Variants in NRG2 observed in about 807,000 individuals in gnomAD.
NRG2 encodes neuregulin 2.
In NRG2, 27 loss-of-function variants were observed where a neutral mutation model predicts 73.9. That is an observed-to-expected ratio of 0.37 (90% CI 0.27 to 0.50). NRG2 has a LOEUF of 0.50. Ranked by LOEUF, NRG2 falls within the 20% of genes least tolerant of loss-of-function variation. The probability of loss-of-function intolerance (pLI) is 0.96; values close to 1 mark genes in which losing one functional copy is unlikely to be tolerated. For missense variants in NRG2, 1,126 were observed against 1,210.1 expected, an observed-to-expected ratio of 0.93 and a Z score of 1.03; for synonymous variants, 532 against 541.0, an observed-to-expected ratio of 0.98 and a Z score of 0.23.
chr5:139,851,188 A>G lies in NRG2; in HGVS notation c.1772+416T>C, dbSNP rs1161338111. ...TTTTAGTAAAGATGGGGGTTTCACC[A>G]TGTTGGCCAGACTAGTCTCAAACTC... is the stretch of plus-strand genomic sequence containing the variant. On this transcript the variant is annotated intron_variant, in intron 9 of 9. Coordinates refer to ENST00000361474, the MANE Select transcript of NRG2 (RefSeq NM_004883.3). This position sits in a 1 kb window ranked among gnomAD's most constrained non-coding sequence, Gnocchi z 4.2. 6.6e-6 allele frequency among the ~76,000 whole-genome samples: 1 copy of G among 152,060 alleles called. No homozygotes were observed. Among genetic ancestry groups the G allele is most frequent in the Non-Finnish European group, 1.5e-5 (1 of 68,008 alleles).
chr5:139,924,200 GC>G (rs1476387188), intron 1 of NRG2, among the ~76,000 whole-genome samples: 3 of 152,176 alleles, frequency 2.0e-5, no homozygotes, highest in Non-Finnish European at 2.9e-5. Flanking sequence ...ATGGGGGAGA[GC>G]CCCTGGCTGT....
chr5:139,944,120 A>G (rs1044878028), intron 1 of NRG2, among the ~76,000 whole-genome samples: 4 of 152,186 alleles, frequency 2.6e-5, no homozygotes, highest in African/African-American at 9.7e-5. Flanking sequence ...ATTGGAATGG[A>G]AGAAGCAAAA....
rs377194018 is a variant in NRG2, at chr5:139,992,524, T to G, written c.700+49846A>C. On this transcript the variant is annotated intron_variant, in intron 1 of 9. Transcript: ENST00000361474. Reference sequence around the variant, plus strand: ...ATAGGGGGACCTTTGTTTCATTCCTTGTTTTAAAGTGACTGCTTCTAACAC... The same window carrying G: ...ATAGGGGGACCTTTGTTTCATTCCTGGTTTTAAAGTGACTGCTTCTAACAC... 1.6e-4 allele frequency among the ~76,000 whole-genome samples: 25 copies of G among 152,360 alleles called. 2 individuals carry two copies. The highest frequency in any genetic ancestry group is 6.0e-4 in the African/African-American group (25 of 41,594).
chr5:139,908,858 C>G (rs1305959846), intron 1 of NRG2, among the ~76,000 whole-genome samples: 1 of 152,244 alleles, frequency 6.6e-6, no homozygotes, highest in Non-Finnish European at 1.5e-5. Context: ...CCCACTTCCC[C>G]AGCCTCCCAG....
At chr5:139,925,683 C>A (rs554571333) in intron 1 of NRG2, among the ~76,000 whole-genome samples, 1 of 152,236 alleles carries the variant, frequency 6.6e-6, no homozygotes, top group African/African-American at 2.4e-5. Context: ...AAAGCAGAGG[C>A]CCTGCAGCCG....
chr5:139,975,768 C>G (rs1193064780), intron 1 of NRG2, among the ~76,000 whole-genome samples: 1 of 152,232 alleles, frequency 6.6e-6, no homozygotes, highest in Non-Finnish European at 1.5e-5. Context: ...TCCCCTACCT[C>G]TGCCTCAGTC....
intron 1 of NRG2, among the ~76,000 whole-genome samples, chr5:140,010,528 G>C (rs116270621): frequency 0.014 from 2,069 of 152,168 alleles, 46 homozygotes; most frequent in African/African-American, 0.047. Flanking sequence ...CTGTACATGT[G>C]GGGGGCAGGG....
chr5:139,860,005 T>C, intron 5 of NRG2: 1 of 1,360,976 alleles, frequency 7.3e-7, no homozygotes, highest in Non-Finnish European at 1.0e-6. Context: ...GACAGAAACG[T>C]TGGTCAGGAC....
chr5:139,992,496 A>G (rs1757710281), intron 1 of NRG2, among the ~76,000 whole-genome samples: 1 of 151,956 alleles, frequency 6.6e-6, no homozygotes, highest in Non-Finnish European at 1.5e-5. Flanking sequence ...TTTTGCACTG[A>G]TGATAGGGGG....
chr5:139,849,643 A>C (rs1272457724), intron 9 of NRG2, among the ~76,000 whole-genome samples: 1 of 152,048 alleles, frequency 6.6e-6, no homozygotes, highest in Non-Finnish European at 1.5e-5. Context: ...TCCAAACTGC[A>C]CAGCTGGGCA....
rs1331689818 is a variant in NRG2 at position 140,042,658 on chromosome 5, G to A, written c.412C>T (p.Leu138=). Residue 138 remains leucine (L), a synonymous_variant, in exon 1 of 10, where the codon CTG becomes TTG. Coordinates refer to ENST00000361474, the MANE Select transcript of NRG2 (RefSeq NM_004883.3). ...GAGCTGGAGCCGCCGGCTGGGACCA[G>A]CCCCTGTACCTTGCCCTCCACCACC... ...PVVVEGKVQG[L]VPAGGSSSNS... The A allele has an allele frequency of 2.5e-6, 4 of 1,596,514 alleles. No individual in the cohort carries two copies. The highest frequency in any genetic ancestry group is 1.7e-4 in the Middle Eastern group (1 of 6,054).
At chr5:140,035,217 C>G (rs558012617) in intron 1 of NRG2, among the ~76,000 whole-genome samples, 1 of 152,302 alleles carries the variant, frequency 6.6e-6, no homozygotes, top group South Asian at 2.1e-4. Context: ...TGATTCATCT[C>G]TATCCCCAAA....
At position 139,954,792 on chromosome 5, in the gene NRG2, G is replaced by C. The variant is rs1754493719; in HGVS notation, c.701-67281C>G. 6.6e-6 allele frequency among the ~76,000 whole-genome samples: 1 copy of C among 152,230 alleles called. No homozygotes were observed. The highest frequency in any genetic ancestry group is 6.5e-5 in the Admixed American group (1 of 15,286). The stretch of plus-strand genomic sequence containing the variant: ...ATTCCACTCACCTGTGAAATTGGGA[G>C]AGTAATAATGCCTACATCGTAGGGT... On this transcript the variant is annotated intron_variant, in intron 1 of 9. Coordinates refer to ENST00000361474, the MANE Select transcript of NRG2 (RefSeq NM_004883.3). The surrounding 1 kb of genome is among the most constrained non-coding windows in gnomAD (Gnocchi z 5.0).
At chr5:139,974,776 T>G (rs949067119) in intron 1 of NRG2, among the ~76,000 whole-genome samples, 2 of 152,160 alleles carry the variant, frequency 1.3e-5, no homozygotes, top group African/African-American at 4.8e-5. Flanking sequence ...AGCACCAAGG[T>G]TGAGGACAGC....
At chr5:140,033,267 C>A (rs1761280471) in intron 1 of NRG2, among the ~76,000 whole-genome samples, 1 of 152,154 alleles carries the variant, frequency 6.6e-6, no homozygotes, top group African/African-American at 2.4e-5. Flanking sequence ...AATAAGGAAG[C>A]TTTCAGCCAT....
intron 1 of NRG2, among the ~76,000 whole-genome samples, chr5:140,000,518 C>T (rs893846744): frequency 6.6e-6 from 1 of 152,214 alleles, no homozygotes; most frequent in African/African-American, 2.4e-5. Flanking sequence ...GTTAAGTAGG[C>T]GTGAGAACCC....
At chr5:139,859,987 G>A (rs781085354) in intron 5 of NRG2, 35 of 1,469,484 alleles carry the variant, frequency 2.4e-5, no homozygotes, top group Non-Finnish European at 3.2e-5. Flanking sequence ...GACAGGGGGA[G>A]AGAGAGAGAC....
chr5:140,003,199 A>C (rs1191556973), intron 1 of NRG2, among the ~76,000 whole-genome samples: 1 of 152,238 alleles, frequency 6.6e-6, no homozygotes, highest in Non-Finnish European at 1.5e-5. Flanking sequence ...GGGAGTCCTG[A>C]CTAAAGAAAT....
At chr5:139,876,036 A>G (rs1763156146) in intron 3 of NRG2, among the ~76,000 whole-genome samples, 1 of 152,258 alleles carries the variant, frequency 6.6e-6, no homozygotes, top group South Asian at 2.1e-4. Context: ...ACTTGTGCCC[A>G]GATGTCCACA....
Sources: gnomAD v4.1 joint callset for allele counts (sites outside exome capture counted in the v4.1 genomes callset) on GRCh38, gnomAD v4.1.1 for gene constraint, Gnocchi (gnomAD v3.1) non-coding constraint, MANE v1.5 for transcripts, NCBI Gene and HGNC (gene_info 2026-07-23, HGNC 2026-07-21) for gene names.